Variants in PDP1 observed in about 807,000 individuals in gnomAD.
PDP1 encodes pyruvate dehydrogenase phosphatase catalytic subunit 1, also known as pyruvate dehyrogenase phosphatase catalytic subunit 1.
In PDP1, 14 loss-of-function variants were observed where a neutral mutation model predicts 37.1. The observed-to-expected ratio is 0.38, with a 90% CI of 0.25 to 0.59. The LOEUF (loss-of-function observed/expected upper bound fraction) is 0.59. Ranked by LOEUF, PDP1 falls within the 20% of genes least tolerant of loss-of-function variation. PDP1 has a pLI of 0.67. For missense variants in PDP1, 544 were observed against 655.3 expected (o/e 0.83, Z 1.85); for synonymous variants, 251 against 243.3 (o/e 1.03, Z -0.29).
At chr8:93,917,855 C>CGCT (rs1563514145) in intron 1 of PDP1, 3 of 1,613,460 alleles carry the variant, frequency 1.9e-6, no homozygotes, top group South Asian at 1.1e-5. Context: ...GTGCTGCTGT[C>CGCT]GCTGCTGCTG....
chr8:93,918,570 A>T (rs1810160284), intron 1 of PDP1, among the ~76,000 whole-genome samples: 1 of 152,208 alleles, frequency 6.6e-6, no homozygotes, highest in Non-Finnish European at 1.5e-5. Flanking sequence ...TGGGATGAAG[A>T]TGCTACATAC....
intron 1 of PDP1, chr8:93,921,321 A>G (rs1810262071): frequency 2.0e-6 from 2 of 985,288 alleles, no homozygotes; most frequent in South Asian, 9.4e-5. Flanking sequence ...GCAAATTGCC[A>G]CAGTGGACTA....
chr8:93,919,127 G>T (rs1222445565), intron 1 of PDP1: 12 of 981,994 alleles, frequency 1.2e-5, no homozygotes, highest in Admixed American at 6.1e-5. Flanking sequence ...ATGTAGTGGA[G>T]AATTTGATGT....
At chr8:93,918,241 GA>G (rs1810149096) in intron 1 of PDP1, among the ~76,000 whole-genome samples, 1 of 152,176 alleles carries the variant, frequency 6.6e-6, no homozygotes, top group Non-Finnish European at 1.5e-5. Flanking sequence ...GAAAAATGTT[GA>G]AAAATCGCGG....
intron 1 of PDP1, chr8:93,920,431 A>G: frequency 8.3e-6 from 4 of 481,804 alleles, no homozygotes; most frequent in Non-Finnish European, 1.1e-5. Context: ...GTTTATTTAA[A>G]GTATTTCCAA....
chr8:93,923,784 C>T lies in PDP1; in HGVS notation c.*111C>T, dbSNP rs898227530. 2.5e-5 allele frequency: 23 copies of T among 928,596 alleles called. No individual in the cohort carries two copies. The highest frequency in any genetic ancestry group is 3.7e-5 in the Non-Finnish European group (21 of 569,418). The allele number at this position is 928,596 out of a possible 1,614,324, so 57.5% of individuals were successfully genotyped here. On this transcript the variant is annotated 3_prime_UTR_variant, in exon 2 of 2. Coordinates refer to ENST00000297598, the MANE Select transcript of PDP1 (RefSeq NM_018444.4). The surrounding 1 kb of genome is among the most constrained non-coding windows in gnomAD (Gnocchi z 4.3). ...CCAGTTGGTCATTCTAAGCATTTACCCTTTTGATACTCTAGCTAGTCAGGT... is the reference window on the plus strand; with the variant it reads ...CCAGTTGGTCATTCTAAGCATTTACTCTTTTGATACTCTAGCTAGTCAGGT...
intron 1 of PDP1, chr8:93,920,574 A>G (rs1045937554): frequency 1.4e-5 from 13 of 946,126 alleles, no homozygotes; most frequent in African/African-American, 1.8e-5. Flanking sequence ...TATTCATTAA[A>G]TTTCCCAAAT....
Position 93,924,538 on chromosome 8 carries a change from G to A in PDP1, c.*865G>A, listed in dbSNP as rs1328420035. 6.0e-6 allele frequency: 1 copy of A among 167,080 alleles called. No individual in the cohort carries two copies. The highest frequency in any genetic ancestry group is 2.4e-5 in the African/African-American group (1 of 41,444). 10.3% of individuals were successfully genotyped at this position (167,080 alleles called of 1,614,324 possible). On this transcript the variant is annotated 3_prime_UTR_variant, in exon 2 of 2. Transcript: ENST00000297598. ...CCCAAAGGCTTGGCATGCCGTAAGT[G>A]TGTGGTGGGTAGACTGCTGCCGGGG... is the stretch of plus-strand genomic sequence containing the variant.
intron 1 of PDP1, chr8:93,920,723 C>CTT (rs201971679): frequency 2.3e-3 from 1,814 of 776,794 alleles, no homozygotes; most frequent in Middle Eastern, 2.6e-3. Context: ...AAGTAAATAC[C>CTT]TTTTTTTTTT....
chr8:93,920,960 G>A, intron 1 of PDP1: 1 of 983,774 alleles, frequency 1.0e-6, no homozygotes, highest in African/African-American at 1.7e-5. Context: ...TACTTCTATG[G>A]GTTTTCCTTA....
At chr8:93,919,733 G>C (rs917502758) in intron 1 of PDP1, 2 of 150,566 alleles carry the variant, frequency 1.3e-5, no homozygotes, top group African/African-American at 4.9e-5. Context: ...ATAAAATTAT[G>C]AAGAAAAATT....
rs1320506789 is a variant in PDP1, at chr8:93,925,990, T to C, written c.*2317T>C. On this transcript the variant is annotated 3_prime_UTR_variant, in exon 2 of 2. Coordinates refer to ENST00000297598, the MANE Select transcript of PDP1 (RefSeq NM_018444.4). ...CTGTCTTATAAAAGATGTATATGTG[T>C]GAAGACATGAAAGTTTAATGTACAG... 6.0e-6 allele frequency: 1 copy of C among 166,812 alleles called. No homozygotes were observed. Among genetic ancestry groups the C allele is most frequent in the East Asian group, 1.9e-4 (1 of 5,196 alleles). The allele number at this position is 166,812 out of a possible 1,614,324, so 10.3% of individuals were successfully genotyped here.
rs534020211 is a variant in PDP1, at chr8:93,924,923, A to G, written c.*1250A>G. Reference sequence around the variant, plus strand: ...TTCAGTCCCTTCTAATACTGTATCAATGTAAATGAAATAAATATATTCAAA... The same window carrying G: ...TTCAGTCCCTTCTAATACTGTATCAGTGTAAATGAAATAAATATATTCAAA... On this transcript the variant is annotated 3_prime_UTR_variant, in exon 2 of 2. Coordinates refer to ENST00000297598, the MANE Select transcript of PDP1 (RefSeq NM_018444.4). 1.8e-5 allele frequency: 3 copies of G among 167,202 alleles called. No individual in the cohort carries two copies. The East Asian group carries it at 5.8e-4, about 32-fold the overall frequency. 10.4% of individuals were successfully genotyped at this position (167,202 alleles called of 1,614,324 possible).
Position 93,922,185 on chromosome 8 carries a change from TCGACTGAGATACACA to T in PDP1, c.128_142del (p.Arg43_Thr47del), listed in dbSNP as rs1326691312. 6.2e-7 allele frequency: 1 copy of T among 1,614,036 alleles called. No individual in the cohort carries two copies. Among genetic ancestry groups the T allele is most frequent in the South Asian group, 1.1e-5 (1 of 91,078 alleles). On this transcript the variant is annotated inframe_deletion, in exon 2 of 2. Transcript: ENST00000297598. The surrounding 1 kb of genome is among the most constrained non-coding windows in gnomAD (Gnocchi z 4.0). ...GTTCCTCATCGTACATTCCTCAGAG[TCGACTGAGATACACA>T]CCTCATCCAGCATATGCTACCTTTT...
At chr8:93,920,459 C>G (rs1810234156) in intron 1 of PDP1, 2 of 767,570 alleles carry the variant, frequency 2.6e-6, no homozygotes, top group Admixed American at 6.3e-5. Context: ...CTTTATAGTA[C>G]AAATGACTAT....
Position 93,925,630 on chromosome 8 carries a change from G to C in PDP1, c.*1957G>C, listed in dbSNP as rs886063187. On this transcript the variant is annotated 3_prime_UTR_variant, in exon 2 of 2. Transcript: ENST00000297598. ...AAGAAACTTGGTCTGCAGTCTGGAA[G>C]CTTGTCTGCTCTATAGAAATGAAAA... 3.0e-5 allele frequency: 5 copies of C among 166,962 alleles called. No individual in the cohort carries two copies. Among genetic ancestry groups the C allele is most frequent in the Admixed American group, 2.0e-4 (3 of 15,290 alleles). 10.3% of individuals were successfully genotyped at this position (166,962 alleles called of 1,614,324 possible). A position where few individuals can be genotyped will look rare whatever the true frequency, so the allele number is the denominator to read the frequency against.
chr8:93,923,883 C>A lies in PDP1; in HGVS notation c.*210C>A. 3 of 548,976 alleles carry A rather than the reference C, an allele frequency of 5.5e-6. No individual in the cohort carries two copies. Among genetic ancestry groups the A allele is most frequent in the Non-Finnish European group, 1.0e-5 (3 of 294,858 alleles). The allele number at this position is 548,976 out of a possible 1,614,324, so 34.0% of individuals were successfully genotyped here. ...CCTGCCTAGCTCAGATTTCATGGCACCTGCACTTGAAGCAAGTCACTTCTT... is the reference window on the plus strand; with the variant it reads ...CCTGCCTAGCTCAGATTTCATGGCAACTGCACTTGAAGCAAGTCACTTCTT... On this transcript the variant is annotated 3_prime_UTR_variant, in exon 2 of 2. Transcript: ENST00000297598. This position sits in a 1 kb window ranked among gnomAD's most constrained non-coding sequence, Gnocchi z 4.3.
In PDP1 at chr8:93,923,052, G is replaced by A. The variant is rs200054483; in HGVS notation, c.993G>A (p.Lys331=). 34 of 1,614,212 alleles carry A rather than the reference G, an allele frequency of 2.1e-5. No individual in the cohort carries two copies. In the East Asian group the frequency reaches 7.6e-4, roughly 36 times the overall value. The change falls in exon 2 of 2, where the codon AAG becomes AAA. Residue 331 remains lysine, a synonymous_variant. Coordinates refer to ENST00000297598, the MANE Select transcript of PDP1 (RefSeq NM_018444.4). This position sits in a 1 kb window ranked among gnomAD's most constrained non-coding sequence, Gnocchi z 4.3. ...ELERLKLEHP[K]SEAKSVVKQD... ...AACGGCTGAAATTGGAACATCCAAA[G>A]AGTGAGGCCAAGAGTGTCGTGAAAC...
chr8:93,921,182 A>C, intron 1 of PDP1: 2 of 983,504 alleles, frequency 2.0e-6, no homozygotes, highest in Non-Finnish European at 2.4e-6. Context: ...CATGAATCCT[A>C]GAAGAGCCTT....
Sources: gnomAD v4.1 joint callset for allele counts (sites outside exome capture counted in the v4.1 genomes callset) on GRCh38, gnomAD v4.1.1 for gene constraint, Gnocchi (gnomAD v3.1) non-coding constraint, MANE v1.5 for transcripts, NCBI Gene and HGNC (gene_info 2026-07-23, HGNC 2026-07-21) for gene names.